The following RUNDC3B variants were observed in gnomAD, a reference collection of about 807,000 sequenced individuals.
The protein encoded by RUNDC3B is RUN domain containing 3B.
In RUNDC3B, 33 loss-of-function variants were observed where a neutral mutation model predicts 58.4. The ratio of observed to expected loss-of-function variants is 0.56; its 90% CI spans 0.43 to 0.75. The LOEUF is 0.75. Among genes scored for constraint, RUNDC3B ranks in the 30% least tolerant of loss-of-function variants. The probability of loss-of-function intolerance (pLI) is 0.00; values close to 1 mark genes in which losing one functional copy is unlikely to be tolerated. For synonymous variants in RUNDC3B, 193 were observed against 195.2 expected, an observed-to-expected ratio of 0.99 and a Z score of 0.10; for missense variants, 501 against 535.7, an observed-to-expected ratio of 0.94 and a Z score of 0.64.
rs142340090 is a variant in RUNDC3B, at chr7:87,757,012, A to T, written c.630-13569A>T. 3.2e-3 allele frequency among the ~76,000 whole-genome samples: 481 copies of T among 152,284 alleles called. 4 individuals carry two copies. Among genetic ancestry groups the T allele is most frequent in the African/African-American group, 0.011 (461 of 41,570 alleles). On this transcript the variant is annotated intron_variant, in intron 6 of 10. Transcript: ENST00000394654. ...TATTGTGAAGTACAACTCACAAAGA[A>T]AAATAGATAAAATATAAATGTATAG...
At chr7:87,719,752 GATCA>G (rs1454727529) in intron 4 of RUNDC3B, among the ~76,000 whole-genome samples, 15 of 151,568 alleles carry the variant, frequency 9.9e-5, no homozygotes, top group African/African-American at 1.5e-4. Flanking sequence ...ATAGCTCTGG[GATCA>G]ATCAATCAAT....
intron 6 of RUNDC3B, among the ~76,000 whole-genome samples, chr7:87,748,506 G>C (rs1053416078): frequency 6.6e-6 from 1 of 152,124 alleles, no homozygotes; most frequent in Non-Finnish European, 1.5e-5. Flanking sequence ...TGTCCTCCAT[G>C]ATGATCTACA....
intron 6 of RUNDC3B, among the ~76,000 whole-genome samples, chr7:87,767,492 C>G (rs1834034228): frequency 6.6e-6 from 1 of 152,196 alleles, no homozygotes. Flanking sequence ...TTCTCAAATG[C>G]TACTTGTCGT....
intron 1 of RUNDC3B, 30 bp downstream of exon 1, chr7:87,628,975 C>A: frequency 7.7e-7 from 1 of 1,306,030 alleles, no homozygotes; most frequent in African/African-American, 1.5e-5. Flanking sequence ...GGGGAACCAG[C>A]CTCCCGCCGG....
chr7:87,719,490 A>C (rs1830742259), intron 4 of RUNDC3B, among the ~76,000 whole-genome samples: 1 of 151,862 alleles, frequency 6.6e-6, no homozygotes, highest in Non-Finnish European at 1.5e-5. Flanking sequence ...TACACAAGTA[A>C]ATATACAAAA....
intron 9 of RUNDC3B, among the ~76,000 whole-genome samples, chr7:87,809,728 T>C (rs186973450): frequency 2.8e-4 from 42 of 152,320 alleles, no homozygotes; most frequent in Middle Eastern, 3.4e-3. Flanking sequence ...TCTGAATAAA[T>C]AAATCCAACT....
At chr7:87,714,186 A>G (rs1030534939) in intron 4 of RUNDC3B, among the ~76,000 whole-genome samples, 2 of 152,190 alleles carry the variant, frequency 1.3e-5, no homozygotes, top group African/African-American at 4.8e-5. Context: ...GCAGCCTGCA[A>G]TGCAACGGGG....
intron 2 of RUNDC3B, among the ~76,000 whole-genome samples, chr7:87,657,839 A>G (rs1014641520): frequency 6.6e-6 from 1 of 152,256 alleles, no homozygotes; most frequent in Middle Eastern, 3.4e-3. Flanking sequence ...GTGTCAGTGG[A>G]AGCCAATTGG....
In RUNDC3B at chr7:87,628,862, C is replaced by T; in HGVS notation, c.39C>T (p.Arg13=). Residue 13 remains arginine, a synonymous_variant, in exon 1 of 11, where the codon CGC becomes CGT. Coordinates refer to ENST00000394654, the MANE Select transcript of RUNDC3B (RefSeq NM_001134405.2). Reference sequence around the variant, plus strand: ...GCCTGGGGGGCCTGAGCGGGATCCGCGGCGGTGGCGGCGGAGGCGGCAAGA... The same window carrying T: ...GCCTGGGGGGCCTGAGCGGGATCCGTGGCGGTGGCGGCGGAGGCGGCAAGA... ...SRSLGGLSGI[R]GGGGGGGKKS... 1.6e-6 allele frequency: 2 copies of T among 1,277,860 alleles called. No homozygotes were observed. The highest frequency in any genetic ancestry group is 2.0e-6 in the Non-Finnish European group (2 of 1,004,934). 79.2% of individuals were successfully genotyped at this position (1,277,860 alleles called of 1,614,324 possible).
chr7:87,722,536 A>G (rs564933454), intron 4 of RUNDC3B, among the ~76,000 whole-genome samples: 1 of 152,332 alleles, frequency 6.6e-6, no homozygotes, highest in Non-Finnish European at 1.5e-5. Flanking sequence ...ATCACTTAAC[A>G]GACAAGAAAG....
chr7:87,695,225 G>A (rs1023665821), intron 2 of RUNDC3B, among the ~76,000 whole-genome samples: 6 of 152,092 alleles, frequency 3.9e-5, no homozygotes, highest in Non-Finnish European at 4.4e-5. Context: ...AAATGGATCA[G>A]TGTCATAATT....
intron 10 of RUNDC3B, among the ~76,000 whole-genome samples, chr7:87,822,988 T>G (rs999996835): frequency 3.3e-5 from 5 of 151,960 alleles, no homozygotes; most frequent in African/African-American, 1.2e-4. Flanking sequence ...TGTATACATA[T>G]GTAACAAACC....
rs529359253 is a variant in RUNDC3B, at chr7:87,770,948, G to GT, written c.798+203dup. 2.4e-4 allele frequency among the ~76,000 whole-genome samples: 37 copies of GT among 152,106 alleles called. No homozygotes were observed. In the South Asian group the frequency reaches 7.3e-3, roughly 30 times the overall value. ...TTTGTTGAACTTTTTCCAATTTTAT[G>GT]TTTTAACATAAAAACAAGCCATTAT... On this transcript the variant is annotated intron_variant, in intron 7 of 10. Transcript: ENST00000394654.
chr7:87,757,896 A>T (rs1396941004), intron 6 of RUNDC3B, among the ~76,000 whole-genome samples: 1 of 152,220 alleles, frequency 6.6e-6, no homozygotes, highest in Non-Finnish European at 1.5e-5. Context: ...AAGAATATGC[A>T]CTGGGGAAAG....
chr7:87,640,355 A>T (rs1469760195), intron 1 of RUNDC3B, among the ~76,000 whole-genome samples: 1 of 150,886 alleles, frequency 6.6e-6, no homozygotes, highest in Non-Finnish European at 1.5e-5. Context: ...TTTACTTTTT[A>T]TTTTTATTTT....
At chr7:87,708,792 G>T (rs557293457) in intron 3 of RUNDC3B, among the ~76,000 whole-genome samples, 79 of 152,128 alleles carry the variant, frequency 5.2e-4, no homozygotes, top group African/African-American at 1.9e-3. Context: ...TTTCATTTGT[G>T]CATAAAGTAG....
rs180842950 is a variant in RUNDC3B at position 87,679,713 on chromosome 7, T to C, written c.239-20708T>C. ...CCACCCCAACATTTATAATTAACAT[T>C]TATAAAATACTCCTCAGTGGCAGAA... is the stretch of plus-strand genomic sequence containing the variant. On this transcript the variant is annotated intron_variant, in intron 2 of 10. Transcript: ENST00000394654. Among the ~76,000 whole-genome samples, 3 of 150,320 alleles carry C rather than the reference T, an allele frequency of 2.0e-5. No individual in the cohort carries two copies. In the East Asian group the frequency reaches 6.0e-4, roughly 30 times the overall value.
intron 10 of RUNDC3B, among the ~76,000 whole-genome samples, chr7:87,819,006 G>A (rs1466887957): frequency 6.6e-6 from 1 of 152,098 alleles, no homozygotes; most frequent in East Asian, 1.9e-4. Context: ...ACGAGCTATG[G>A]GGAGTCTGTC....
intron 2 of RUNDC3B, among the ~76,000 whole-genome samples, chr7:87,672,559 G>A (rs1394067804): frequency 6.6e-6 from 1 of 152,184 alleles, no homozygotes; most frequent in African/African-American, 2.4e-5. Context: ...CAGGGGTCCA[G>A]CCTTCCACTT....
Sources: allele counts gnomAD v4.1 joint callset (sites outside exome capture counted in the v4.1 genomes callset), GRCh38; gene constraint gnomAD v4.1.1; transcripts MANE v1.5; gene names NCBI Gene and HGNC (gene_info 2026-07-23, HGNC 2026-07-21).